HIKESHI: variants seen among roughly 807,000 people sequenced by gnomAD.
The protein encoded by HIKESHI is heat shock protein nuclear import factor hikeshi.
A neutral mutation model predicts 25.7 loss-of-function variants in HIKESHI; 13 were observed. That is an observed-to-expected ratio of 0.51 (90% confidence interval 0.33 to 0.80). The LOEUF is 0.80. Ranked by LOEUF, HIKESHI falls within the 30% of genes least tolerant of loss-of-function variation. The probability of loss-of-function intolerance (pLI) is 0.02; values close to 1 mark genes in which losing one functional copy is unlikely to be tolerated. For missense variants in HIKESHI, 174 were observed against 229.5 expected (o/e 0.76, Z 1.56); for synonymous variants, 76 against 78.7 (o/e 0.97, Z 0.18).
At chr11:86,342,241 A>G (rs920472032) in intron 3 of HIKESHI, among the ~76,000 whole-genome samples, 1 of 152,206 alleles carries the variant, frequency 6.6e-6, no homozygotes, top group Non-Finnish European at 1.5e-5. Context: ...CTTTTGGGAA[A>G]AAAACCTAAG....
At chr11:86,322,335 G>T (rs1455584329) in intron 2 of HIKESHI, among the ~76,000 whole-genome samples, 1 of 151,802 alleles carries the variant, frequency 6.6e-6, no homozygotes. Flanking sequence ...ATCTTCTCTG[G>T]TTAATATCCA....
intron 2 of HIKESHI, among the ~76,000 whole-genome samples, chr11:86,334,731 C>G (rs1158100462): frequency 6.6e-6 from 1 of 152,132 alleles, no homozygotes; most frequent in Non-Finnish European, 1.5e-5. Flanking sequence ...TCACTGTAGT[C>G]TCGATCTCCT....
chr11:86,329,239 A>G (rs924872685), intron 2 of HIKESHI, among the ~76,000 whole-genome samples: 2 of 151,146 alleles, frequency 1.3e-5, no homozygotes, highest in Admixed American at 6.6e-5. Context: ...TAGTCCACCC[A>G]CTTTTTTTCC....
intron 2 of HIKESHI, among the ~76,000 whole-genome samples, chr11:86,322,801 AT>A (rs200383075): frequency 2.0e-5 from 3 of 151,958 alleles, no homozygotes; most frequent in Non-Finnish European, 2.9e-5. Flanking sequence ...TGTCAAAAAA[AT>A]TTTTTTTGGC....
rs543736607 is a variant in HIKESHI at position 86,344,566 on chromosome 11, T to A, written c.421-37T>A. 3 of 1,175,182 alleles carry A rather than the reference T, an allele frequency of 2.6e-6. No homozygotes were observed. The South Asian group carries it at 4.0e-5, about 16-fold the overall frequency. 72.8% of individuals were successfully genotyped at this position (1,175,182 alleles called of 1,614,324 possible). On this transcript the variant is annotated intron_variant, in intron 3 of 4. Transcript: ENST00000278483. ...AAAATATTGAGTTCTAAATGAAGTA[T>A]TCAGTATAATCCATTAATCTATTAT... is the stretch of plus-strand genomic sequence containing the variant.
chr11:86,331,866 G>C (rs1384909894), intron 2 of HIKESHI, among the ~76,000 whole-genome samples: 1 of 152,054 alleles, frequency 6.6e-6, no homozygotes, highest in Non-Finnish European at 1.5e-5. Context: ...TCAATACTAG[G>C]AATGCTTTCA....
At chr11:86,313,033 G>T (rs1216109023) in intron 2 of HIKESHI, among the ~76,000 whole-genome samples, 1 of 152,014 alleles carries the variant, frequency 6.6e-6, no homozygotes, top group Non-Finnish European at 1.5e-5. Context: ...ACAATTATGT[G>T]TCTTGGAGTT....
At chr11:86,302,508 G>A (rs1260768611) in intron 1 of HIKESHI, 30 bp downstream of exon 1, 1 of 1,555,422 alleles carries the variant, frequency 6.4e-7, no homozygotes, top group Non-Finnish European at 8.7e-7. Flanking sequence ...ATATCAGGAA[G>A]GGGTCAGGAT....
chr11:86,345,401 T>C (rs1947846212), intron 4 of HIKESHI, 183 bp from the exon 5 acceptor site: 3 of 481,466 alleles, frequency 6.2e-6, no homozygotes, highest in Admixed American at 4.1e-5. Context: ...TGCCCCGATA[T>C]TTAAATTCCT....
chr11:86,312,543 A>G (rs1370441952), intron 2 of HIKESHI, among the ~76,000 whole-genome samples: 3 of 152,166 alleles, frequency 2.0e-5, no homozygotes, highest in African/African-American at 7.2e-5. Context: ...TAATTGGAGC[A>G]TTTAGCCCAT....
Position 86,345,751 on chromosome 11 carries a change from T to G in HIKESHI, c.*113T>G. On this transcript the variant is annotated 3_prime_UTR_variant, in exon 5 of 5. Coordinates refer to ENST00000278483, the MANE Select transcript of HIKESHI (RefSeq NM_016401.4). Reference sequence around the variant, plus strand: ...CACGAAACCTAAGTTTAAAAACTGCTTAGAGACTGAAGCTTAATTAAAAAT... The same window carrying G: ...CACGAAACCTAAGTTTAAAAACTGCGTAGAGACTGAAGCTTAATTAAAAAT... The G allele has an allele frequency of 4.1e-6, 2 of 490,320 alleles. No homozygotes were observed. The highest frequency in any genetic ancestry group is 7.2e-6 in the Non-Finnish European group (2 of 279,032). 30.4% of individuals were successfully genotyped at this position (490,320 alleles called of 1,614,324 possible).
At chr11:86,328,426 TG>T (rs1393194008) in intron 2 of HIKESHI, among the ~76,000 whole-genome samples, 2 of 148,832 alleles carry the variant, frequency 1.3e-5, no homozygotes, top group African/African-American at 2.5e-5. Flanking sequence ...GCGCAGCTAA[TG>T]TTTTTTGTTT....
intron 3 of HIKESHI, among the ~76,000 whole-genome samples, chr11:86,342,673 T>C (rs951616614): frequency 3.3e-5 from 5 of 151,974 alleles, no homozygotes; most frequent in Non-Finnish European, 7.4e-5. Flanking sequence ...AATTCATTTT[T>C]CCCCTTATGG....
rs1260071020 is a variant in HIKESHI at position 86,345,673 on chromosome 11, T to C, written c.*35T>C. 3 of 1,341,458 alleles carry C rather than the reference T, an allele frequency of 2.2e-6. No individual in the cohort carries two copies. Among genetic ancestry groups the C allele is most frequent in the Non-Finnish European group, 3.1e-6 (3 of 958,532 alleles). The allele number at this position is 1,341,458 out of a possible 1,614,324, so 83.1% of individuals were successfully genotyped here. On this transcript the variant is annotated 3_prime_UTR_variant, in exon 5 of 5. Coordinates refer to ENST00000278483, the MANE Select transcript of HIKESHI (RefSeq NM_016401.4). ...AATAATTTTTAATGGATTCTGAAATTTGTCATGTTTTGAAGATAACTGACT... is the reference window on the plus strand; with the variant it reads ...AATAATTTTTAATGGATTCTGAAATCTGTCATGTTTTGAAGATAACTGACT...
chr11:86,335,296 GT>G (rs1815996712), intron 2 of HIKESHI, among the ~76,000 whole-genome samples: 1 of 152,160 alleles, frequency 6.6e-6, no homozygotes, highest in Non-Finnish European at 1.5e-5. Context: ...TTTGTTAAAA[GT>G]ATTTACAGAC....
chr11:86,319,262 C>G (rs1947089172), intron 2 of HIKESHI, among the ~76,000 whole-genome samples: 1 of 80,420 alleles, frequency 1.2e-5, no homozygotes, highest in South Asian at 4.6e-4. Context: ...TTTTTGAGAC[C>G]AGTCTCACTC....
chr11:86,312,547 A>G (rs967464806), intron 2 of HIKESHI, among the ~76,000 whole-genome samples: 5 of 152,144 alleles, frequency 3.3e-5, no homozygotes, highest in Non-Finnish European at 7.3e-5. Context: ...TGGAGCATTT[A>G]GCCCATTTAC....
At chr11:86,306,725 C>T (rs537245183) in intron 2 of HIKESHI, among the ~76,000 whole-genome samples, 31 of 151,742 alleles carry the variant, frequency 2.0e-4, no homozygotes, top group Non-Finnish European at 3.4e-4. Context: ...TTTGGCCGGG[C>T]GCGGCGGCTC....
rs1946518469 is a variant in HIKESHI, at chr11:86,302,393, A to G, written c.-56A>G. ...TAGTCTCGACTAGGGCAGTAGCCCCAGGACTCCTAGTCGCCGGCTTCAGGT... is the reference window on the plus strand; with the variant it reads ...TAGTCTCGACTAGGGCAGTAGCCCCGGGACTCCTAGTCGCCGGCTTCAGGT... On this transcript the variant is annotated 5_prime_UTR_variant, in exon 1 of 5. Coordinates refer to ENST00000278483, the MANE Select transcript of HIKESHI (RefSeq NM_016401.4). The G allele has an allele frequency of 1.3e-6, 2 of 1,549,692 alleles. No homozygotes were observed. The highest frequency in any genetic ancestry group is 1.4e-5 in the African/African-American group (1 of 73,034).
Sources: allele counts gnomAD v4.1 joint callset (sites outside exome capture counted in the v4.1 genomes callset), GRCh38; gene constraint gnomAD v4.1.1; transcripts MANE v1.5; gene names NCBI Gene and HGNC (gene_info 2026-07-23, HGNC 2026-07-21).